MTX2: variants seen among roughly 807,000 people sequenced by gnomAD.
The protein encoded by MTX2 is metaxin-2.
MTX2 carries 35 observed loss-of-function variants against 42.3 expected under a neutral mutation model. That is an observed-to-expected ratio of 0.83 (90% CI 0.63 to 1.10). The LOEUF is 1.10. MTX2 is among the 50% of genes least tolerant of loss of function. MTX2 has a pLI of 0.00. For synonymous variants in MTX2, 119 were observed against 100.9 expected (o/e 1.18, Z -1.08); for missense variants, 307 against 304.1 (o/e 1.01, Z -0.07).
At position 176,304,454 on chromosome 2, in the gene MTX2, G is replaced by GT. The variant is rs535238904; in HGVS notation, c.135+6560dup. On this transcript the variant is annotated intron_variant, in intron 3 of 9. Coordinates refer to ENST00000249442, the MANE Select transcript of MTX2 (RefSeq NM_006554.5). ...TTAAACTACAAATATGGCTGTTATGGTAACTGGATTAGGAACTTAATCTGT... is the reference window on the plus strand; with the variant it reads ...TTAAACTACAAATATGGCTGTTATGGTTAACTGGATTAGGAACTTAATCTGT... The GT allele has an allele frequency of 1.4e-4, 22 of 152,210 alleles. 1 individual carries two copies. In the South Asian group the frequency reaches 4.6e-3, roughly 32 times the overall value. The allele number at this position is 152,210 out of a possible 1,614,324, so 9.4% of individuals were successfully genotyped here.
At chr2:176,298,311 T>C (rs932307722) in intron 3 of MTX2, among the ~76,000 whole-genome samples, 1 of 152,098 alleles carries the variant, frequency 6.6e-6, no homozygotes, top group African/African-American at 2.4e-5. Context: ...TTGCACTCAT[T>C]GGCCTCTAGC....
At chr2:176,315,232 A>G (rs1490550652) in intron 3 of MTX2, among the ~76,000 whole-genome samples, 1 of 152,180 alleles carries the variant, frequency 6.6e-6, no homozygotes, top group African/African-American at 2.4e-5. Context: ...CAATCTAAAG[A>G]CATGTAGGTC....
chr2:176,328,364 C>T lies in MTX2; in HGVS notation c.357C>T (p.Asn119=), dbSNP rs1684770801. The T allele has an allele frequency of 1.9e-6, 3 of 1,580,918 alleles. No individual in the cohort carries two copies. Among genetic ancestry groups the T allele is most frequent in the Admixed American group, 1.8e-5 (1 of 54,902 alleles). ...AEMKAYMELV[N]NMLLTAELYL... Reference sequence around the variant, plus strand: ...TGAAAGCTTACATGGAATTAGTCAACAATATGCTGTTGACTGCAGAGGTAA... The same window carrying T: ...TGAAAGCTTACATGGAATTAGTCAATAATATGCTGTTGACTGCAGAGGTAA... The change falls in exon 6 of 10, where the codon AAC becomes AAT. Residue 119 remains asparagine, a synonymous_variant. Transcript: ENST00000249442.
chr2:176,318,577 A>T (rs2105435380), intron 3 of MTX2, among the ~76,000 whole-genome samples: 1 of 152,332 alleles, frequency 6.6e-6, no homozygotes, highest in East Asian at 1.9e-4. Flanking sequence ...TGCTCAGCAA[A>T]TGAGAAATCT....
chr2:176,306,827 T>G (rs6433581), intron 3 of MTX2, among the ~76,000 whole-genome samples: 6 of 152,022 alleles, frequency 3.9e-5, no homozygotes, highest in African/African-American at 1.2e-4. Flanking sequence ...GGATGGGTAG[T>G]TTGCAAAAAT....
Position 176,270,147 on chromosome 2 carries a change from A to G in MTX2, c.40+478A>G, listed in dbSNP as rs149528602. 7 of 306,346 alleles carry G rather than the reference A, an allele frequency of 2.3e-5. No individual in the cohort carries two copies. In the East Asian group the frequency reaches 5.0e-4, roughly 22 times the overall value. 19.0% of individuals were successfully genotyped at this position (306,346 alleles called of 1,614,324 possible). On this transcript the variant is annotated intron_variant, in intron 1 of 9. Transcript: ENST00000249442. ...CGTCTCCCAGCGACACAGTAGTGCCATTTGCTAAGACTCTAGGAGTTATTT... is the reference window on the plus strand; with the variant it reads ...CGTCTCCCAGCGACACAGTAGTGCCGTTTGCTAAGACTCTAGGAGTTATTT...
intron 1 of MTX2, among the ~76,000 whole-genome samples, chr2:176,282,130 T>TTTTTGTTTTTTTTG (rs1693093246): frequency 2.2e-5 from 3 of 133,582 alleles, no homozygotes; most frequent in African/African-American, 8.4e-5. Context: ...ACAGTAGTTT[T>TTTTTGTTTTTTTTG]TTTTTTTTTT....
At chr2:176,306,914 A>G (rs549224540) in intron 3 of MTX2, among the ~76,000 whole-genome samples, 1 of 152,278 alleles carries the variant, frequency 6.6e-6, no homozygotes, top group South Asian at 2.1e-4. Flanking sequence ...TAGTTTAATT[A>G]GATCCCATTT....
intron 1 of MTX2, among the ~76,000 whole-genome samples, chr2:176,281,265 A>G (rs1314994728): frequency 6.6e-6 from 1 of 152,094 alleles, no homozygotes. Flanking sequence ...CTCACTCATG[A>G]TGTCTGGGTC....
intron 1 of MTX2, among the ~76,000 whole-genome samples, chr2:176,280,236 G>A (rs774215803): frequency 2.0e-5 from 3 of 152,138 alleles, no homozygotes; most frequent in Non-Finnish European, 2.9e-5. Flanking sequence ...CAAGATATTG[G>A]ATTAATAAAG....
intron 1 of MTX2, among the ~76,000 whole-genome samples, chr2:176,292,309 G>A (rs557040258): frequency 6.6e-6 from 1 of 152,280 alleles, no homozygotes; most frequent in East Asian, 1.9e-4. Context: ...AACATTTCAG[G>A]TCAACTGAAG....
chr2:176,317,047 A>AAC (rs1684461366), intron 3 of MTX2, among the ~76,000 whole-genome samples: 1 of 151,478 alleles, frequency 6.6e-6, no homozygotes, highest in Non-Finnish European at 1.5e-5. Flanking sequence ...TTAAAAAAAA[A>AAC]AAAACAAAAA....
At chr2:176,334,361 G>T (rs1684938574) in intron 9 of MTX2, among the ~76,000 whole-genome samples, 1 of 151,750 alleles carries the variant, frequency 6.6e-6, no homozygotes, top group Non-Finnish European at 1.5e-5. Flanking sequence ...GTTCTAAATT[G>T]GTAAGATAAG....
chr2:176,330,179 T>C (rs925751086), intron 8 of MTX2, among the ~76,000 whole-genome samples: 3 of 151,018 alleles, frequency 2.0e-5, no homozygotes, highest in African/African-American at 4.8e-5. Flanking sequence ...GTTACCTTTA[T>C]TAAGCAGATT....
intron 1 of MTX2, among the ~76,000 whole-genome samples, chr2:176,273,096 C>T (rs1438048256): frequency 6.6e-6 from 1 of 152,158 alleles, no homozygotes; most frequent in Non-Finnish European, 1.5e-5. Flanking sequence ...CCAGGGAGGG[C>T]AAGAGCCAGG....
intron 9 of MTX2, among the ~76,000 whole-genome samples, chr2:176,336,436 T>G (rs1281098574): frequency 1.3e-5 from 2 of 152,110 alleles, no homozygotes; most frequent in Non-Finnish European, 2.9e-5. Context: ...TGGGTATCAT[T>G]TTTTTGGTCC....
At chr2:176,269,745 T>G in intron 1 of MTX2, 76 bp downstream of exon 1, 1 of 1,473,602 alleles carries the variant, frequency 6.8e-7, no homozygotes, top group Non-Finnish European at 9.1e-7. Context: ...GGCTGGAGCT[T>G]TCCTCCAGCC....
chr2:176,296,587 A>T (rs1485110786), intron 1 of MTX2, among the ~76,000 whole-genome samples: 1 of 151,876 alleles, frequency 6.6e-6, no homozygotes, highest in Non-Finnish European at 1.5e-5. Context: ...TGTTTTTTTT[A>T]TTCTCATTTT....
At chr2:176,288,561 T>C (rs1465573904) in intron 1 of MTX2, among the ~76,000 whole-genome samples, 1 of 151,294 alleles carries the variant, frequency 6.6e-6, no homozygotes, top group Non-Finnish European at 1.5e-5. Context: ...ACTGTCTAAA[T>C]AGTCTTGCTG....
Sources: allele counts gnomAD v4.1 joint callset (sites outside exome capture counted in the v4.1 genomes callset), GRCh38; gene constraint gnomAD v4.1.1; transcripts MANE v1.5; gene names NCBI Gene and HGNC (gene_info 2026-07-23, HGNC 2026-07-21).